The following EPHA3 variants were observed in gnomAD, a reference collection of about 807,000 sequenced individuals.
EPHA3 encodes the protein EPH receptor A3, also known as ephrin type-A receptor 3.
Under a neutral mutation model 107.1 loss-of-function variants are expected in EPHA3, and 42 were observed. The ratio of observed to expected loss-of-function variants is 0.39; its 90% CI spans 0.31 to 0.51. The LOEUF is 0.51. EPHA3 is among the 20% of genes least tolerant of loss of function. EPHA3 has a pLI of 0.78. For synonymous variants in EPHA3, 461 were observed against 424.8 expected, an observed-to-expected ratio of 1.09 and a Z score of -1.05; for missense variants, 1,183 against 1,211.2, an observed-to-expected ratio of 0.98 and a Z score of 0.35.
chr3:89,415,573 A>G lies in EPHA3; in HGVS notation c.1888+2307A>G, dbSNP rs982373773. Among the ~76,000 whole-genome samples, 6 of 149,552 alleles carry G rather than the reference A, an allele frequency of 4.0e-5. No individual in the cohort carries two copies. In the South Asian group the frequency reaches 1.0e-3, roughly 26 times the overall value. Reference sequence around the variant, plus strand: ...GAAACTCTCTTGTATACATTGGACTATAGAAAGAATTATACTTATACTATA... The same window carrying G: ...GAAACTCTCTTGTATACATTGGACTGTAGAAAGAATTATACTTATACTATA... On this transcript the variant is annotated intron_variant, in intron 10 of 16. Transcript: ENST00000336596.
intron 5 of EPHA3, among the ~76,000 whole-genome samples, chr3:89,354,990 CAT>C (rs1324789290): frequency 1.3e-5 from 2 of 151,114 alleles, no homozygotes; most frequent in Admixed American, 6.6e-5. Context: ...CAAAATTTCA[CAT>C]GATTGTATTT....
At chr3:89,469,515 C>T (rs1710359795) in intron 15 of EPHA3, among the ~76,000 whole-genome samples, 1 of 152,106 alleles carries the variant, frequency 6.6e-6, no homozygotes, top group South Asian at 2.1e-4. Flanking sequence ...GCTCACGAAT[C>T]AACTTTACAC....
chr3:89,347,784 G>A lies in EPHA3; in HGVS notation c.1306+5694G>A, dbSNP rs1054034837. 1.2e-4 allele frequency among the ~76,000 whole-genome samples: 18 copies of A among 150,640 alleles called. No homozygotes were observed. In the East Asian group the frequency reaches 1.8e-3, roughly 15 times the overall value. ...GATAGCTCTTATCATTTTGAAATAC[G>A]TCCCATCAATACCTAATTTATTGAG... is the stretch of plus-strand genomic sequence containing the variant. On this transcript the variant is annotated intron_variant, in intron 5 of 16. Transcript: ENST00000336596.
At chr3:89,345,274 C>T (rs777307323) in intron 5 of EPHA3, among the ~76,000 whole-genome samples, 1 of 151,236 alleles carries the variant, frequency 6.6e-6, no homozygotes, top group Non-Finnish European at 1.5e-5. Context: ...CTTGGATGAA[C>T]TGATATCTGA....
At chr3:89,459,424 ACTCTTTCTTTCTTTCTTT>A (rs372972667) in intron 15 of EPHA3, among the ~76,000 whole-genome samples, 13 of 149,402 alleles carry the variant, frequency 8.7e-5, no homozygotes, top group Non-Finnish European at 1.5e-4. Flanking sequence ...TCTTTTTCTT[ACTCTTTCTTTCTTTCTTT>A]CTCTTTCTTT....
At chr3:89,407,784 A>C (rs1709083027) in intron 8 of EPHA3, among the ~76,000 whole-genome samples, 1 of 152,136 alleles carries the variant, frequency 6.6e-6, no homozygotes. Flanking sequence ...AAGTTGTTAA[A>C]AAATACTATA....
intron 5 of EPHA3, among the ~76,000 whole-genome samples, chr3:89,345,950 C>T (rs1237603627): frequency 1.4e-5 from 2 of 147,892 alleles, no homozygotes; most frequent in East Asian, 3.9e-4. Context: ...GTGAACTCAT[C>T]ATTTTTTATG....
intron 13 of EPHA3, among the ~76,000 whole-genome samples, chr3:89,435,298 G>A (rs1246626010): frequency 4.6e-5 from 7 of 151,464 alleles, no homozygotes; most frequent in African/African-American, 7.3e-5. Flanking sequence ...GCTTGACTAA[G>A]ATAAAATCTG....
At chr3:89,250,852 A>C (rs1456199816) in intron 3 of EPHA3, among the ~76,000 whole-genome samples, 2 of 152,170 alleles carry the variant, frequency 1.3e-5, no homozygotes, top group Non-Finnish European at 1.5e-5. Context: ...AACTAGGTAA[A>C]ATTTATTTCC....
intron 3 of EPHA3, among the ~76,000 whole-genome samples, chr3:89,318,406 G>A (rs1317020602): frequency 6.6e-6 from 1 of 151,722 alleles, no homozygotes; most frequent in Non-Finnish European, 1.5e-5. Flanking sequence ...TGGGGCATGG[G>A]GGTATGATGA....
At chr3:89,227,664 A>G (rs1704532671) in intron 3 of EPHA3, among the ~76,000 whole-genome samples, 1 of 151,948 alleles carries the variant, frequency 6.6e-6, no homozygotes, top group Non-Finnish European at 1.5e-5. Flanking sequence ...CTGGAGGGTG[A>G]TTGATTCATA....
chr3:89,459,932 G>A (rs1710187459), intron 15 of EPHA3, among the ~76,000 whole-genome samples: 1 of 152,000 alleles, frequency 6.6e-6, no homozygotes, highest in Admixed American at 6.6e-5. Flanking sequence ...ACATTGTTTT[G>A]TACATATAAG....
intron 5 of EPHA3, among the ~76,000 whole-genome samples, chr3:89,365,170 T>C (rs1396713030): frequency 6.6e-6 from 1 of 150,408 alleles, no homozygotes; most frequent in Admixed American, 6.7e-5. Context: ...CTTGAAGAGG[T>C]GGGGTTTGAG....
intron 2 of EPHA3, among the ~76,000 whole-genome samples, chr3:89,188,928 C>T (rs1216688149): frequency 1.3e-5 from 2 of 152,126 alleles, no homozygotes; most frequent in Non-Finnish European, 1.5e-5. Context: ...CAGCCTCTAT[C>T]CCCAGTTTTG....
At chr3:89,281,722 T>G (rs1368949314) in intron 3 of EPHA3, among the ~76,000 whole-genome samples, 2 of 152,172 alleles carry the variant, frequency 1.3e-5, no homozygotes, top group African/African-American at 2.4e-5. Context: ...AAGGAGAAAT[T>G]TAGAACATAT....
intron 11 of EPHA3, among the ~76,000 whole-genome samples, chr3:89,421,048 A>G (rs1559689966): frequency 6.6e-6 from 1 of 151,160 alleles, no homozygotes; most frequent in Non-Finnish European, 1.5e-5. Context: ...TGTTCATTTC[A>G]CCCCATCCCC....
At chr3:89,277,851 AT>A (rs1705847429) in intron 3 of EPHA3, among the ~76,000 whole-genome samples, 2 of 152,258 alleles carry the variant, frequency 1.3e-5, no homozygotes, top group African/African-American at 4.8e-5. Context: ...CTTTTTAAAC[AT>A]CTTTCACACA....
In EPHA3 at chr3:89,419,188, G is replaced by A. The variant is rs1268210521; in HGVS notation, c.1889-17G>A. On this transcript the variant is annotated splice_polypyrimidine_tract_variant and intron_variant, in intron 10 of 16. Coordinates refer to ENST00000336596, the MANE Select transcript of EPHA3 (RefSeq NM_005233.6). ...ATAGAATTCCTTACATTTTGTTGCT[G>A]TTCTGCTTTATAACAGGTGAATTTG... 1.9e-6 allele frequency: 3 copies of A among 1,562,712 alleles called. No homozygotes were observed. Among genetic ancestry groups the A allele is most frequent in the Non-Finnish European group, 2.6e-6 (3 of 1,157,642 alleles).
intron 2 of EPHA3, among the ~76,000 whole-genome samples, chr3:89,197,888 A>G (rs528409448): frequency 3.6e-4 from 55 of 152,258 alleles, no homozygotes; most frequent in African/African-American, 1.3e-3. Flanking sequence ...AGGGGGGAGA[A>G]TCGCTTGAAC....
Sources: allele counts gnomAD v4.1 joint callset (sites outside exome capture counted in the v4.1 genomes callset), GRCh38; gene constraint gnomAD v4.1.1; transcripts MANE v1.5; gene names NCBI Gene and HGNC (gene_info 2026-07-23, HGNC 2026-07-21).